UST: variants seen among roughly 807,000 people sequenced by gnomAD.
UST encodes uronyl 2-sulfotransferase.
A neutral mutation model predicts 45.6 loss-of-function variants in UST; 21 were observed. That is an observed-to-expected ratio of 0.46 (90% CI 0.33 to 0.66). The LOEUF (loss-of-function observed/expected upper bound fraction) is 0.66. Among genes scored for constraint, UST ranks in the 30% least tolerant of loss-of-function variants. UST has a pLI of 0.02. For synonymous variants in UST, 215 were observed against 200.6 expected (o/e 1.07, Z -0.61); for missense variants, 463 against 512.4 (o/e 0.90, Z 0.93).
At chr6:149,063,464 G>C (rs536412809) in intron 7 of UST, among the ~76,000 whole-genome samples, 5 of 152,276 alleles carry the variant, frequency 3.3e-5, no homozygotes, top group South Asian at 4.1e-4. Flanking sequence ...AATTAAAGTA[G>C]AGAGGCAGAA....
chr6:148,855,620 G>A (rs375684410), intron 1 of UST, among the ~76,000 whole-genome samples: 1 of 152,238 alleles, frequency 6.6e-6, no homozygotes, highest in African/African-American at 2.4e-5. Context: ...AGGTGGGGAT[G>A]AGTTTCTGGA....
intron 7 of UST, among the ~76,000 whole-genome samples, chr6:149,064,893 TA>T (rs35820279): frequency 0.35 from 52,040 of 148,892 alleles, 9,332 homozygotes; most frequent in African/African-American, 0.4. Flanking sequence ...AATCCATTTC[TA>T]AAAAAAAAAA....
chr6:148,754,231 C>T (rs1325829601), intron 1 of UST, among the ~76,000 whole-genome samples: 3 of 152,048 alleles, frequency 2.0e-5, no homozygotes, highest in Non-Finnish European at 2.9e-5. Flanking sequence ...CTCCTGACCT[C>T]GTGATTCGCC....
intron 2 of UST, among the ~76,000 whole-genome samples, chr6:148,921,094 G>A (rs1460397851): frequency 2.0e-5 from 3 of 152,212 alleles, no homozygotes; most frequent in African/African-American, 7.2e-5. Context: ...CACAAGAGGA[G>A]TCTATTAATT....
At chr6:148,891,929 T>C (rs1041152289) in intron 2 of UST, among the ~76,000 whole-genome samples, 30 of 152,204 alleles carry the variant, frequency 2.0e-4, no homozygotes, top group African/African-American at 7.2e-4. Flanking sequence ...GTTTTCAAAC[T>C]GTATATAAAG....
chr6:148,748,471 C>T lies in UST; in HGVS notation c.247+794C>T. Among the ~76,000 whole-genome samples, 1 of 146,488 alleles carries T rather than the reference C, an allele frequency of 6.8e-6. No individual in the cohort carries two copies. Among genetic ancestry groups the T allele is most frequent in the Non-Finnish European group, 1.5e-5 (1 of 66,894 alleles). ...TGTGTGTGGTTTATTAGGAGAGAGG[C>T]CGCCTGTCTTTAGCAGAAGTAAGGA... On this transcript the variant is annotated intron_variant, in intron 1 of 7. Coordinates refer to ENST00000367463, the MANE Select transcript of UST (RefSeq NM_005715.3). The surrounding 1 kb of genome is among the most constrained non-coding windows in gnomAD (Gnocchi z 5.3).
chr6:148,861,143 G>A (rs1434105000), intron 1 of UST, among the ~76,000 whole-genome samples: 2 of 152,094 alleles, frequency 1.3e-5, no homozygotes, highest in Non-Finnish European at 2.9e-5. Flanking sequence ...TTTTTGGTTG[G>A]TAGGCTATTA....
chr6:148,833,615 C>A (rs1650270150), intron 1 of UST, among the ~76,000 whole-genome samples: 1 of 152,122 alleles, frequency 6.6e-6, no homozygotes. Context: ...GAAAAGGATA[C>A]CTTGTGGTCA....
chr6:148,886,656 G>A (rs1056485603), intron 1 of UST, among the ~76,000 whole-genome samples: 2 of 152,174 alleles, frequency 1.3e-5, no homozygotes, highest in Non-Finnish European at 2.9e-5. Context: ...GGGTAATTCT[G>A]AAGTACAATA....
At chr6:148,887,936 A>G (rs1225140545) in intron 2 of UST, among the ~76,000 whole-genome samples, 1 of 152,218 alleles carries the variant, frequency 6.6e-6, no homozygotes, top group Non-Finnish European at 1.5e-5. Context: ...GATGCCTACA[A>G]AATGCAGTTG....
intron 2 of UST, 38 bp downstream of exon 2, chr6:148,887,067 T>C (rs781201313): frequency 6.5e-7 from 1 of 1,540,276 alleles, no homozygotes; most frequent in Admixed American, 1.7e-5. Flanking sequence ...CCCTTTTTCT[T>C]TTATCTTACT....
chr6:148,879,541 G>A lies in UST; in HGVS notation c.248-7445G>A, dbSNP rs150583043. Among the ~76,000 whole-genome samples the A allele has an allele frequency of 1.2e-3, 178 of 152,270 alleles. 1 individual carries two copies. The highest frequency in any genetic ancestry group is 3.9e-3 in the African/African-American group (161 of 41,550). ...TCCCAGAATAATTAAAATCAGAATC[G>A]CTAAGGCTGGGCCCTGACAGCAACA... On this transcript the variant is annotated intron_variant, in intron 1 of 7. Coordinates refer to ENST00000367463, the MANE Select transcript of UST (RefSeq NM_005715.3).
intron 1 of UST, among the ~76,000 whole-genome samples, chr6:148,855,346 C>T (rs1398597718): frequency 6.6e-6 from 1 of 152,194 alleles, no homozygotes; most frequent in African/African-American, 2.4e-5. Context: ...CTAACAATTT[C>T]CTTTTGTTCT....
At chr6:149,055,449 CTT>C (rs1776548580) in intron 7 of UST, among the ~76,000 whole-genome samples, 3 of 152,120 alleles carry the variant, frequency 2.0e-5, no homozygotes, top group Admixed American at 6.5e-5. Flanking sequence ...CATTTGTTGA[CTT>C]TTCTCTTTCA....
intron 2 of UST, among the ~76,000 whole-genome samples, chr6:148,932,653 G>A (rs74636208): frequency 0.012 from 1,857 of 152,196 alleles, 36 homozygotes; most frequent in African/African-American, 0.042. Context: ...TTTTCCTGAA[G>A]CACTCTTCAA....
At chr6:149,059,026 A>G (rs1174120518) in intron 7 of UST, among the ~76,000 whole-genome samples, 3 of 152,224 alleles carry the variant, frequency 2.0e-5, no homozygotes, top group African/African-American at 4.8e-5. Context: ...ATGATGCCGA[A>G]CTTGGGGAGA....
chr6:148,977,716 T>C (rs899741809), intron 5 of UST, among the ~76,000 whole-genome samples: 17 of 140,254 alleles, frequency 1.2e-4, no homozygotes, highest in South Asian at 2.2e-4. Context: ...CGCGCCACTG[T>C]ACTCCAGCCT....
chr6:148,848,630 C>A (rs1778042666), intron 1 of UST, among the ~76,000 whole-genome samples: 1 of 148,946 alleles, frequency 6.7e-6, no homozygotes. Context: ...GAGATCGCAC[C>A]ACTGCACTCC....
chr6:148,868,022 A>T (rs1778478934), intron 1 of UST, among the ~76,000 whole-genome samples: 1 of 152,238 alleles, frequency 6.6e-6, no homozygotes, highest in Middle Eastern at 3.4e-3. Context: ...TTCATCACTG[A>T]TGAGCCTGCC....
Sources: gnomAD v4.1 joint callset for allele counts (sites outside exome capture counted in the v4.1 genomes callset) on GRCh38, gnomAD v4.1.1 for gene constraint, Gnocchi (gnomAD v3.1) non-coding constraint, MANE v1.5 for transcripts, NCBI Gene and HGNC (gene_info 2026-07-23, HGNC 2026-07-21) for gene names.